SLC31A1: variants seen among roughly 807,000 people sequenced by gnomAD.
SLC31A1 encodes high affinity copper uptake protein 1.
SLC31A1 carries 5 observed loss-of-function variants against 17.2 expected under a neutral mutation model. The ratio of observed to expected loss-of-function variants is 0.29; its 90% CI spans 0.15 to 0.61. The LOEUF (loss-of-function observed/expected upper bound fraction) is 0.61. Among genes scored for constraint, SLC31A1 ranks in the 20% least tolerant of loss-of-function variants. The pLI is 0.86. For synonymous variants in SLC31A1, 76 were observed against 78.8 expected, an observed-to-expected ratio of 0.96 and a Z score of 0.19; for missense variants, 161 against 241.4, an observed-to-expected ratio of 0.67 and a Z score of 2.21.
chr9:113,235,425 GA>G (rs1402029290), intron 1 of SLC31A1, among the ~76,000 whole-genome samples: 1 of 152,148 alleles, frequency 6.6e-6, no homozygotes, highest in Non-Finnish European at 1.5e-5. Flanking sequence ...GCCAAGAGCA[GA>G]AATGAAAAGT....
At chr9:113,253,526 A>C (rs1831684488) in intron 1 of SLC31A1, among the ~76,000 whole-genome samples, 1 of 150,924 alleles carries the variant, frequency 6.6e-6, no homozygotes, top group South Asian at 2.1e-4. Context: ...AATGGTATCA[A>C]TAATACCAGA....
In SLC31A1 at chr9:113,264,109, T is replaced by A. The variant is rs561606511; in HGVS notation, c.*3636T>A. 1 of 151,504 alleles carries A rather than the reference T, an allele frequency of 6.6e-6. No homozygotes were observed. Among genetic ancestry groups the A allele is most frequent in the East Asian group, 1.9e-4 (1 of 5,156 alleles). The allele number at this position is 151,504 out of a possible 1,614,324, so 9.4% of individuals were successfully genotyped here. The stretch of plus-strand genomic sequence containing the variant: ...GGTGCAGATCACCTGAGGTCAGGAG[T>A]TTGAGACCAGCCTGGCCAATGTGGT... On this transcript the variant is annotated 3_prime_UTR_variant, in exon 5 of 5. Coordinates refer to ENST00000374212, the MANE Select transcript of SLC31A1 (RefSeq NM_001859.4).
At chr9:113,249,744 TTAAAG>T (rs1305986469) in intron 1 of SLC31A1, among the ~76,000 whole-genome samples, 1 of 152,064 alleles carries the variant, frequency 6.6e-6, no homozygotes, top group African/African-American at 2.4e-5. Context: ...TTATCATAGA[TTAAAG>T]GTTAGGAAAA....
chr9:113,257,376 T>C lies in SLC31A1; in HGVS notation c.202+191T>C, dbSNP rs1165822207. The stretch of plus-strand genomic sequence containing the variant: ...TACTTTTTTGGTCCTCTGGTAAACC[T>C]CTGTTAACTAACATGTATGTTTTGG... On this transcript the variant is annotated intron_variant, in intron 3 of 4. Transcript: ENST00000374212. 2.6e-5 allele frequency among the ~76,000 whole-genome samples: 4 copies of C among 152,146 alleles called. No individual in the cohort carries two copies. The South Asian group carries it at 6.2e-4, about 24-fold the overall frequency.
intron 1 of SLC31A1, among the ~76,000 whole-genome samples, chr9:113,247,453 A>G (rs889009599): frequency 2.6e-5 from 4 of 152,160 alleles, no homozygotes; most frequent in African/African-American, 9.7e-5. Context: ...GGATTATTAT[A>G]TCTTATTCTT....
intron 1 of SLC31A1, among the ~76,000 whole-genome samples, chr9:113,230,278 C>T (rs1383137148): frequency 6.6e-6 from 1 of 152,168 alleles, no homozygotes; most frequent in African/African-American, 2.4e-5. Context: ...GGCTGGAGTG[C>T]GGTGGCGCGA....
chr9:113,244,054 C>G (rs1043075631), intron 1 of SLC31A1, among the ~76,000 whole-genome samples: 5 of 147,846 alleles, frequency 3.4e-5, no homozygotes, highest in African/African-American at 5.0e-5. Flanking sequence ...ACTCGAGAGG[C>G]TGAGGCAGGA....
Position 113,252,292 on chromosome 9 carries a change from TA to T in SLC31A1, c.-35-3821del, listed in dbSNP as rs1202725373. On this transcript the variant is annotated intron_variant, in intron 1 of 4. Coordinates refer to ENST00000374212, the MANE Select transcript of SLC31A1 (RefSeq NM_001859.4). ...GTTACAACTTTTAGATAGTTTGTGG[TA>T]CTATAGTCCTGCTTTTTTTTGAGAT... Among the ~76,000 whole-genome samples, 20 of 152,318 alleles carry T rather than the reference TA, an allele frequency of 1.3e-4. 1 individual carries two copies. The South Asian group carries it at 4.1e-3, about 32-fold the overall frequency.
rs541293799 is a variant in SLC31A1 at position 113,246,557 on chromosome 9, T to A, written c.-35-9557T>A. 2.6e-5 allele frequency among the ~76,000 whole-genome samples: 4 copies of A among 151,874 alleles called. No individual in the cohort carries two copies. The South Asian group carries it at 8.3e-4, about 31-fold the overall frequency. On this transcript the variant is annotated intron_variant, in intron 1 of 4. Coordinates refer to ENST00000374212, the MANE Select transcript of SLC31A1 (RefSeq NM_001859.4). ...TAGTAGAGACAAGGTTTCACCATGC[T>A]AGCCAGGATGGTCTTGATCTTCTGA...
chr9:113,246,043 CA>C (rs1331160599), intron 1 of SLC31A1, among the ~76,000 whole-genome samples: 1 of 152,060 alleles, frequency 6.6e-6, no homozygotes, highest in African/African-American at 2.4e-5. Context: ...GAGCCATCAT[CA>C]AGATAATTGT....
In SLC31A1 at chr9:113,250,277, C is replaced by G. The variant is rs1430292583; in HGVS notation, c.-35-5837C>G. The stretch of plus-strand genomic sequence containing the variant: ...ACAATAGCAAAGACTTGGAACCAAC[C>G]CAAATGTCCAAAAATGATAGACTGG... On this transcript the variant is annotated intron_variant, in intron 1 of 4. Coordinates refer to ENST00000374212, the MANE Select transcript of SLC31A1 (RefSeq NM_001859.4). Among the ~76,000 whole-genome samples, 8 of 120,620 alleles carry G rather than the reference C, an allele frequency of 6.6e-5. 1 individual carries two copies. The highest frequency in any genetic ancestry group is 3.7e-3 in the Middle Eastern group (1 of 270). The allele number at this position is 120,620 out of a possible 152,430, so 79.1% of individuals were successfully genotyped here.
chr9:113,249,298 CA>C (rs56013452), intron 1 of SLC31A1, among the ~76,000 whole-genome samples: 82,671 of 118,106 alleles, frequency 0.7, 26,720 homozygotes, highest in East Asian at 0.77. Context: ...CCTCAATTGG[CA>C]AAAAAAAAAA....
chr9:113,229,470 A>C (rs896953903), intron 1 of SLC31A1, among the ~76,000 whole-genome samples: 4 of 152,226 alleles, frequency 2.6e-5, no homozygotes, highest in Non-Finnish European at 5.9e-5. Flanking sequence ...ATATCAATAT[A>C]TATGATCGTT....
In SLC31A1 at chr9:113,263,127, C is replaced by G. The variant is rs1831813164; in HGVS notation, c.*2654C>G. The stretch of plus-strand genomic sequence containing the variant: ...TAAGCCATGATTGCGCCACTGCACT[C>G]AGCCCGGGTGACAAAGCAAGACCCT... On this transcript the variant is annotated 3_prime_UTR_variant, in exon 5 of 5. Transcript: ENST00000374212. The G allele has an allele frequency of 1.3e-5, 2 of 152,212 alleles. No homozygotes were observed. The highest frequency in any genetic ancestry group is 4.8e-5 in the African/African-American group (2 of 41,442). The allele number at this position is 152,212 out of a possible 1,614,324, so 9.4% of individuals were successfully genotyped here.
intron 1 of SLC31A1, among the ~76,000 whole-genome samples, chr9:113,236,659 G>A (rs553117423): frequency 7.1e-4 from 108 of 152,260 alleles, no homozygotes; most frequent in African/African-American, 2.5e-3. Context: ...ACCACACCCG[G>A]CCCTCACTGA....
At chr9:113,236,512 T>C (rs6477999) in intron 1 of SLC31A1, among the ~76,000 whole-genome samples, 71,297 of 151,496 alleles carry the variant, frequency 0.47, 17,068 homozygotes, top group South Asian at 0.59. Context: ...TACAGGTGCC[T>C]GCCACCACGC....
chr9:113,259,986 T>C (rs1041774190), intron 4 of SLC31A1, among the ~76,000 whole-genome samples: 1 of 152,182 alleles, frequency 6.6e-6, no homozygotes, highest in Non-Finnish European at 1.5e-5. Flanking sequence ...CCTTTCAGGA[T>C]CTAAGGTGGA....
At chr9:113,259,459 CAGA>C (rs1831764912) in intron 4 of SLC31A1, among the ~76,000 whole-genome samples, 1 of 152,138 alleles carries the variant, frequency 6.6e-6, no homozygotes, top group Non-Finnish European at 1.5e-5. Flanking sequence ...TACTGGGGCC[CAGA>C]AGGATTGTGA....
intron 1 of SLC31A1, among the ~76,000 whole-genome samples, chr9:113,249,110 A>G (rs1831617173): frequency 6.8e-6 from 1 of 147,150 alleles, no homozygotes; most frequent in South Asian, 2.3e-4. Context: ...CAATCAGATC[A>G]CCTTCTTTTT....
Sources: gnomAD v4.1 joint callset for allele counts (sites outside exome capture counted in the v4.1 genomes callset) on GRCh38, gnomAD v4.1.1 for gene constraint, MANE v1.5 for transcripts, NCBI Gene and HGNC (gene_info 2026-07-23, HGNC 2026-07-21) for gene names.